Variants in NR2F1-AS1 observed in about 807,000 individuals in gnomAD.
The protein encoded by NR2F1-AS1 is NR2F1 regulatory antisense RNA 1.
chr5:93,463,079 G>C (rs575739812), intron 4 of NR2F1-AS1, among the ~76,000 whole-genome samples: 24 of 152,332 alleles, frequency 1.6e-4, no homozygotes, highest in Admixed American at 5.2e-4. Context: ...TCCAGGCCAT[G>C]TCAGAGACCT....
At chr5:93,515,478 T>C (rs1255878258) in intron 4 of NR2F1-AS1, among the ~76,000 whole-genome samples, 1 of 151,946 alleles carries the variant, frequency 6.6e-6, no homozygotes, top group African/African-American at 2.4e-5. Context: ...TACCTCTCCT[T>C]AGTGTTTATG....
intron 4 of NR2F1-AS1, among the ~76,000 whole-genome samples, chr5:93,446,846 A>G (rs1409028020): frequency 2.0e-5 from 3 of 152,224 alleles, no homozygotes; most frequent in African/African-American, 7.2e-5. Flanking sequence ...TACTGGTACC[A>G]AAACAGAGAT....
intron 4 of NR2F1-AS1, among the ~76,000 whole-genome samples, chr5:93,550,610 A>C (rs971182959): frequency 1.3e-5 from 2 of 152,236 alleles, no homozygotes; most frequent in Admixed American, 1.3e-4. Flanking sequence ...GCCTGTCAGA[A>C]AATCATTCTA....
intron 4 of NR2F1-AS1, among the ~76,000 whole-genome samples, chr5:93,438,261 G>A (rs562115067): frequency 9.8e-5 from 15 of 152,290 alleles, no homozygotes; most frequent in African/African-American, 3.1e-4. Context: ...CCTTTTCAAC[G>A]GAATCTACAG....
intron 4 of NR2F1-AS1, among the ~76,000 whole-genome samples, chr5:93,514,746 T>C (rs1305056421): frequency 6.6e-6 from 1 of 152,058 alleles, no homozygotes; most frequent in East Asian, 1.9e-4. Flanking sequence ...GCTAACCAAT[T>C]AATTTTTTAG....
intron 4 of NR2F1-AS1, among the ~76,000 whole-genome samples, chr5:93,418,762 C>A (rs1158764410): frequency 6.6e-6 from 1 of 152,160 alleles, no homozygotes; most frequent in Non-Finnish European, 1.5e-5. Flanking sequence ...CTTTCACTTT[C>A]ACTTCCAACT....
intron 4 of NR2F1-AS1, among the ~76,000 whole-genome samples, chr5:93,468,300 C>T (rs1006635780): frequency 1.3e-5 from 2 of 152,206 alleles, no homozygotes. Flanking sequence ...TCTCCACATG[C>T]TCTCCAGCAT....
chr5:93,416,835 G>A (rs1056577374), intron 4 of NR2F1-AS1, among the ~76,000 whole-genome samples: 1 of 152,042 alleles, frequency 6.6e-6, no homozygotes, highest in African/African-American at 2.4e-5. Context: ...TCAGAGGAAG[G>A]TTACAAAACT....
chr5:93,574,169 G>GC (rs1752842006), intron 1 of NR2F1-AS1, among the ~76,000 whole-genome samples: 2 of 152,308 alleles, frequency 1.3e-5, no homozygotes, highest in Admixed American at 1.3e-4. Flanking sequence ...CTTGCCTTTT[G>GC]CCCCTCTAGA....
intron 4 of NR2F1-AS1, among the ~76,000 whole-genome samples, chr5:93,516,921 T>G (rs1367917088): frequency 6.6e-6 from 1 of 151,878 alleles, no homozygotes; most frequent in Non-Finnish European, 1.5e-5. Context: ...CAACAATAAA[T>G]TTACTAGAAT....
At chr5:93,544,709 G>A (rs563602829) in intron 4 of NR2F1-AS1, 1 of 152,198 alleles carries the variant, frequency 6.6e-6, no homozygotes, top group South Asian at 2.1e-4. Context: ...AGATCACAAA[G>A]TCAAGAGATC....
intron 4 of NR2F1-AS1, among the ~76,000 whole-genome samples, chr5:93,429,921 C>A (rs1308156299): frequency 1.3e-5 from 2 of 152,178 alleles, no homozygotes; most frequent in Admixed American, 1.3e-4. Flanking sequence ...CATATCTGTA[C>A]ACAATGATGA....
intron 4 of NR2F1-AS1, among the ~76,000 whole-genome samples, chr5:93,499,091 GA>G (rs1302966149): frequency 3.3e-5 from 5 of 152,164 alleles, no homozygotes; most frequent in African/African-American, 9.7e-5. Context: ...AACTATTACA[GA>G]AAATCAGTAA....
At chr5:93,487,028 C>A (rs938974637) in intron 4 of NR2F1-AS1, among the ~76,000 whole-genome samples, 1 of 152,096 alleles carries the variant, frequency 6.6e-6, no homozygotes, top group Non-Finnish European at 1.5e-5. Context: ...CTGAAAAGGC[C>A]TTTGATAAAA....
intron 4 of NR2F1-AS1, among the ~76,000 whole-genome samples, chr5:93,443,400 A>G (rs1358691743): frequency 6.6e-6 from 1 of 152,196 alleles, no homozygotes; most frequent in Non-Finnish European, 1.5e-5. Context: ...TACGGGACGC[A>G]TGTACAAGCT....
At chr5:93,450,672 G>T (rs1318991770) in intron 4 of NR2F1-AS1, among the ~76,000 whole-genome samples, 1 of 152,074 alleles carries the variant, frequency 6.6e-6, no homozygotes, top group Admixed American at 6.5e-5. Flanking sequence ...GGTTAGGGGT[G>T]GTAGTCAAAT....
At chr5:93,525,085 C>A (rs538537545) in intron 4 of NR2F1-AS1, among the ~76,000 whole-genome samples, 1 of 152,060 alleles carries the variant, frequency 6.6e-6, no homozygotes, top group Non-Finnish European at 1.5e-5. Flanking sequence ...AGAGTCAAGA[C>A]CCATTGGTGT....
chr5:93,498,628 T>C (rs892006691), intron 4 of NR2F1-AS1, among the ~76,000 whole-genome samples: 1 of 152,104 alleles, frequency 6.6e-6, no homozygotes, highest in Non-Finnish European at 1.5e-5. Context: ...AAGGTTCCTC[T>C]ATGGCATCCC....
intron 4 of NR2F1-AS1, among the ~76,000 whole-genome samples, chr5:93,517,852 G>A (rs1751428272): frequency 6.6e-6 from 1 of 152,064 alleles, no homozygotes; most frequent in Admixed American, 6.6e-5. Flanking sequence ...GTTAAAGTAG[G>A]AAGAATGAGA....
Sources: gnomAD v4.1 joint callset for allele counts (sites outside exome capture counted in the v4.1 genomes callset) on GRCh38, gnomAD v4.1.1 for gene constraint, MANE v1.5 for transcripts, NCBI Gene and HGNC (gene_info 2026-07-23, HGNC 2026-07-21) for gene names.